The following PHACTR1 variants were observed in gnomAD, a reference collection of about 807,000 sequenced individuals.
The protein encoded by PHACTR1 is phosphatase and actin regulator 1, also known as RPEL repeat containing 1.
Under a neutral mutation model 69.2 loss-of-function variants are expected in PHACTR1, and 16 were observed. That is an observed-to-expected ratio of 0.23 (90% CI 0.16 to 0.35). The LOEUF (loss-of-function observed/expected upper bound fraction) is 0.35, where lower values mean the gene tolerates loss of function less well. Ranked by LOEUF, PHACTR1 falls within the 10% of genes least tolerant of loss-of-function variation. PHACTR1 has a pLI of 1.00. For missense variants in PHACTR1, 510 were observed against 734.7 expected (o/e 0.69, Z 3.54); for synonymous variants, 312 against 284.5 (o/e 1.10, Z -0.97).
chr6:12,777,625 CTTTTTT>C (rs869096915), intron 4 of PHACTR1, among the ~76,000 whole-genome samples: 4 of 99,010 alleles, frequency 4.0e-5, no homozygotes, highest in South Asian at 4.0e-4. Context: ...CTTTCTTCTT[CTTTTTT>C]TTTTTTTTTT....
intron 4 of PHACTR1, among the ~76,000 whole-genome samples, chr6:13,016,658 C>A (rs1800225120): frequency 1.3e-5 from 2 of 149,510 alleles, no homozygotes; most frequent in African/African-American, 2.5e-5. Flanking sequence ...CTGGTATCTA[C>A]TAACTAGTAT....
At chr6:13,016,869 C>A (rs951298386) in intron 4 of PHACTR1, among the ~76,000 whole-genome samples, 3 of 152,134 alleles carry the variant, frequency 2.0e-5, no homozygotes, top group African/African-American at 7.2e-5. Flanking sequence ...AACAAAGACT[C>A]ACACCCTCAT....
At chr6:12,907,390 C>T (rs1363544541) in intron 4 of PHACTR1, among the ~76,000 whole-genome samples, 1 of 152,184 alleles carries the variant, frequency 6.6e-6, no homozygotes, top group East Asian at 1.9e-4. Context: ...TATGTGCTCT[C>T]CACTATATAA....
intron 4 of PHACTR1, among the ~76,000 whole-genome samples, chr6:12,848,468 T>C (rs1779512218): frequency 6.6e-6 from 1 of 152,234 alleles, no homozygotes; most frequent in Non-Finnish European, 1.5e-5. Context: ...ATCTCATTTC[T>C]ATTAAAAATC....
At chr6:12,797,034 TGTGTGTGA>T (rs923992171) in intron 4 of PHACTR1, among the ~76,000 whole-genome samples, 12 of 129,214 alleles carry the variant, frequency 9.3e-5, no homozygotes, top group Non-Finnish European at 2.0e-4. Flanking sequence ...TGTGTGTGTG[TGTGTGTGA>T]GAGAGAGAGA....
intron 4 of PHACTR1, among the ~76,000 whole-genome samples, chr6:12,885,865 CG>C (rs1669572998): frequency 6.6e-6 from 1 of 152,166 alleles, no homozygotes; most frequent in African/African-American, 2.4e-5. Context: ...GAGGCCGAGG[CG>C]GGCGTATCAC....
chr6:12,882,282 A>AG (rs1235634945), intron 4 of PHACTR1, among the ~76,000 whole-genome samples: 32 of 152,072 alleles, frequency 2.1e-4, no homozygotes, highest in Non-Finnish European at 3.4e-4. Flanking sequence ...GAGAAGGGAG[A>AG]GATTGGAGAT....
chr6:12,960,806 A>T (rs1402977419), intron 4 of PHACTR1, among the ~76,000 whole-genome samples: 1 of 152,180 alleles, frequency 6.6e-6, no homozygotes, highest in Non-Finnish European at 1.5e-5. Flanking sequence ...GTGATCCATG[A>T]CTATACAATT....
intron 4 of PHACTR1, among the ~76,000 whole-genome samples, chr6:12,855,438 C>T (rs866162778): frequency 1.1e-4 from 16 of 152,246 alleles, no homozygotes; most frequent in Middle Eastern, 6.8e-3. Context: ...GGAGACAGGA[C>T]GAGACCCTGT....
At chr6:13,280,664 G>C in intron 12 of PHACTR1, 1 of 317,282 alleles carries the variant, frequency 3.2e-6, no homozygotes, top group Non-Finnish European at 6.2e-6. Context: ...CAACAGACCA[G>C]TCATTTTCTC....
chr6:12,742,379 G>A (rs772905187), intron 3 of PHACTR1, among the ~76,000 whole-genome samples: 10 of 152,168 alleles, frequency 6.6e-5, no homozygotes, highest in South Asian at 4.2e-4. Flanking sequence ...CTTTTAGCAC[G>A]CTAATTCATT....
At chr6:13,137,348 A>C (rs1821722030) in intron 5 of PHACTR1, among the ~76,000 whole-genome samples, 1 of 152,210 alleles carries the variant, frequency 6.6e-6, no homozygotes, top group Non-Finnish European at 1.5e-5. Flanking sequence ...GTACCTAGGC[A>C]TTGAGTTAAT....
intron 4 of PHACTR1, among the ~76,000 whole-genome samples, chr6:12,932,352 T>C (rs1185264620): frequency 6.6e-6 from 1 of 152,172 alleles, no homozygotes; most frequent in African/African-American, 2.4e-5. Flanking sequence ...CCAGTAAATA[T>C]GTAAGCCCTC....
intron 4 of PHACTR1, among the ~76,000 whole-genome samples, chr6:13,010,003 C>G (rs991849445): frequency 6.6e-6 from 1 of 152,204 alleles, no homozygotes; most frequent in Non-Finnish European, 1.5e-5. Context: ...ACCCTCCCCA[C>G]CCCACACCCC....
At chr6:12,843,134 G>A (rs1032256959) in intron 4 of PHACTR1, among the ~76,000 whole-genome samples, 1 of 152,152 alleles carries the variant, frequency 6.6e-6, no homozygotes, top group African/African-American at 2.4e-5. Flanking sequence ...ATTCCCTATA[G>A]CAAGGAGAAT....
chr6:12,868,456 A>T (rs192975343), intron 4 of PHACTR1, among the ~76,000 whole-genome samples: 28 of 152,260 alleles, frequency 1.8e-4, no homozygotes, highest in African/African-American at 6.0e-4. Flanking sequence ...CAGTAGAGAA[A>T]GGGGAGAGGA....
intron 9 of PHACTR1, 22 bp from the exon 10 acceptor site, chr6:13,230,015 G>T: frequency 6.3e-7 from 1 of 1,588,254 alleles, no homozygotes; most frequent in South Asian, 1.2e-5. Context: ...AGCCTTAATT[G>T]ACTCATTTCT....
chr6:13,204,275 G>T (rs1036866170), intron 7 of PHACTR1, among the ~76,000 whole-genome samples: 1 of 152,094 alleles, frequency 6.6e-6, no homozygotes, highest in East Asian at 1.9e-4. Flanking sequence ...ATTTTGGCAG[G>T]ACTGTAAGTT....
intron 4 of PHACTR1, among the ~76,000 whole-genome samples, chr6:12,927,273 G>C (rs935298485): frequency 6.6e-6 from 1 of 152,184 alleles, no homozygotes; most frequent in Admixed American, 6.5e-5. Context: ...CTTTAGTTTA[G>C]TGCTCCCTGA....
Sources: gnomAD v4.1 joint callset for allele counts (sites outside exome capture counted in the v4.1 genomes callset) on GRCh38, gnomAD v4.1.1 for gene constraint, MANE v1.5 for transcripts, NCBI Gene and HGNC (gene_info 2026-07-23, HGNC 2026-07-21) for gene names.